Variants in SEMA6D observed in about 807,000 individuals in gnomAD.
SEMA6D encodes the protein semaphorin 6D.
SEMA6D carries 35 observed loss-of-function variants against 106.6 expected under a neutral mutation model. The observed-to-expected ratio is 0.33, with a 90% CI of 0.25 to 0.44. SEMA6D has a LOEUF of 0.44. SEMA6D is among the 20% of genes least tolerant of loss of function. SEMA6D has a pLI of 1.00. For synonymous variants in SEMA6D, 499 were observed against 487.7 expected (o/e 1.02, Z -0.31); for missense variants, 1,185 against 1,345.9 (o/e 0.88, Z 1.87).
At chr15:47,679,427 T>C (rs2078306447) in intron 4 of SEMA6D, among the ~76,000 whole-genome samples, 1 of 152,166 alleles carries the variant, frequency 6.6e-6, no homozygotes, top group African/African-American at 2.4e-5. Flanking sequence ...AAAAAGTACT[T>C]CTTTGGCCTT....
chr15:47,763,393 C>A (rs572327358), intron 9 of SEMA6D, among the ~76,000 whole-genome samples: 3 of 152,088 alleles, frequency 2.0e-5, no homozygotes, highest in Non-Finnish European at 1.5e-5. Context: ...GCTTTTTTTA[C>A]TCTTTAGAAA....
At chr15:47,194,839 G>A (rs1396517992) in intron 1 of SEMA6D, among the ~76,000 whole-genome samples, 1 of 152,086 alleles carries the variant, frequency 6.6e-6, no homozygotes. Flanking sequence ...TTCATGTACT[G>A]CTTTTTATCA....
chr15:47,423,074 C>T (rs559973207), intron 2 of SEMA6D, among the ~76,000 whole-genome samples: 1 of 152,188 alleles, frequency 6.6e-6, no homozygotes, highest in Non-Finnish European at 1.5e-5. Flanking sequence ...GAGTTATAAG[C>T]AGAGTTCCTG....
intron 1 of SEMA6D, among the ~76,000 whole-genome samples, chr15:47,196,025 A>AT (rs11432969): frequency 0.67 from 98,388 of 147,024 alleles, 32,854 homozygotes; most frequent in East Asian, 0.76. Context: ...AAAGTTTCAG[A>AT]TTTTTTTTTT....
chr15:47,469,341 C>CGT (rs113272376), intron 2 of SEMA6D, among the ~76,000 whole-genome samples: 10,722 of 147,010 alleles, frequency 0.073, 938 homozygotes, highest in African/African-American at 0.22. Context: ...CACGCATGTG[C>CGT]GTGTGTGTGT....
chr15:47,607,572 G>A (rs925058577), intron 4 of SEMA6D, among the ~76,000 whole-genome samples: 2 of 152,216 alleles, frequency 1.3e-5, no homozygotes, highest in Admixed American at 1.3e-4. Flanking sequence ...TTGAGAAGGA[G>A]AGCATTATTG....
At chr15:47,701,290 C>T (rs762554094) in intron 4 of SEMA6D, among the ~76,000 whole-genome samples, 12 of 151,936 alleles carry the variant, frequency 7.9e-5, no homozygotes, top group Non-Finnish European at 1.6e-4. Context: ...CCAAATATTT[C>T]ATCTGTATGT....
intron 3 of SEMA6D, among the ~76,000 whole-genome samples, chr15:47,571,447 C>T (rs1373991867): frequency 6.6e-6 from 1 of 152,184 alleles, no homozygotes; most frequent in Non-Finnish European, 1.5e-5. Flanking sequence ...CAGAGCAGTA[C>T]ATTAAGTCAA....
At chr15:47,332,343 C>T (rs1384773328) in intron 1 of SEMA6D, among the ~76,000 whole-genome samples, 3 of 152,126 alleles carry the variant, frequency 2.0e-5, no homozygotes, top group Admixed American at 6.6e-5. Flanking sequence ...TTGCACATGT[C>T]GGCCAAGGCA....
chr15:47,703,810 T>C (rs979987651), intron 4 of SEMA6D, among the ~76,000 whole-genome samples: 1 of 152,160 alleles, frequency 6.6e-6, no homozygotes, highest in Non-Finnish European at 1.5e-5. Flanking sequence ...GGTTTAACTC[T>C]GTGTGTATTT....
intron 4 of SEMA6D, among the ~76,000 whole-genome samples, chr15:47,703,240 A>G (rs2078848908): frequency 6.6e-6 from 1 of 152,198 alleles, no homozygotes; most frequent in African/African-American, 2.4e-5. Context: ...CATTAATTTT[A>G]GATCACTGCA....
At chr15:47,507,339 A>ACCCCCCCCCCCCCCCCCCCCCCCC (rs201710301) in intron 3 of SEMA6D, among the ~76,000 whole-genome samples, 1 of 118,414 alleles carries the variant, frequency 8.4e-6, no homozygotes, top group African/African-American at 3.2e-5. Context: ...CAAGTGGGAC[A>ACCCCCCCCCCCCCCCCCCCCCCCC]CCCCCCCCCA....
chr15:47,250,110 A>G (rs1206504025), intron 1 of SEMA6D, among the ~76,000 whole-genome samples: 2 of 152,198 alleles, frequency 1.3e-5, no homozygotes, highest in Non-Finnish European at 2.9e-5. Flanking sequence ...AATAAAACTA[A>G]TCACTTTGTC....
chr15:47,488,222 A>T (rs2043354832), intron 3 of SEMA6D, among the ~76,000 whole-genome samples: 1 of 152,142 alleles, frequency 6.6e-6, no homozygotes, highest in Non-Finnish European at 1.5e-5. Context: ...ATACCAGAGG[A>T]AACATGAAAA....
intron 1 of SEMA6D, among the ~76,000 whole-genome samples, chr15:47,197,004 GA>G (rs1025545304): frequency 6.6e-6 from 1 of 151,824 alleles, no homozygotes; most frequent in African/African-American, 2.4e-5. Context: ...GCACTGTTAA[GA>G]AAAAAAATCA....
chr15:47,317,607 A>T (rs1428629842), intron 1 of SEMA6D, among the ~76,000 whole-genome samples: 2 of 152,190 alleles, frequency 1.3e-5, no homozygotes, highest in Non-Finnish European at 2.9e-5. Flanking sequence ...CTTTTGAAGA[A>T]TAATTTTGCA....
intron 4 of SEMA6D, among the ~76,000 whole-genome samples, chr15:47,700,537 A>C (rs1207680274): frequency 6.6e-6 from 1 of 152,106 alleles, no homozygotes; most frequent in East Asian, 1.9e-4. Context: ...TCCTTTCTCT[A>C]GTGAATAAAT....
chr15:47,701,011 A>C (rs941832512), intron 4 of SEMA6D, among the ~76,000 whole-genome samples: 1 of 152,162 alleles, frequency 6.6e-6, no homozygotes, highest in Non-Finnish European at 1.5e-5. Flanking sequence ...ATATAGGAAA[A>C]ATTCTAGATG....
chr15:47,186,760 A>C (rs567269773), intron 1 of SEMA6D, among the ~76,000 whole-genome samples: 10 of 152,312 alleles, frequency 6.6e-5, no homozygotes, highest in African/African-American at 2.4e-4. Flanking sequence ...ATACTCATTT[A>C]ACCATCTTCC....
Sources: gnomAD v4.1 joint callset for allele counts (sites outside exome capture counted in the v4.1 genomes callset) on GRCh38, gnomAD v4.1.1 for gene constraint, MANE v1.5 for transcripts, NCBI Gene and HGNC (gene_info 2026-07-23, HGNC 2026-07-21) for gene names.